ARHGAP32: variants seen among roughly 807,000 people sequenced by gnomAD.
The protein encoded by ARHGAP32 is Rho GTPase activating protein 32.
ARHGAP32 carries 51 observed loss-of-function variants against 186.5 expected under a neutral mutation model. The observed-to-expected ratio is 0.27, with a 90% CI of 0.22 to 0.35. ARHGAP32 has a LOEUF of 0.35. ARHGAP32 is among the 10% of genes least tolerant of loss of function. The probability of loss-of-function intolerance (pLI) is 1.00; values close to 1 mark genes in which losing one functional copy is unlikely to be tolerated. For synonymous variants in ARHGAP32, 950 were observed against 964.3 expected, an observed-to-expected ratio of 0.99 and a Z score of 0.27; for missense variants, 2,186 against 2,623.5, an observed-to-expected ratio of 0.83 and a Z score of 3.64.
intron 6 of ARHGAP32, among the ~76,000 whole-genome samples, chr11:129,088,890 T>G (rs1324817786): frequency 6.8e-6 from 1 of 146,612 alleles, no homozygotes; most frequent in Non-Finnish European, 1.5e-5. Context: ...AGTACGAAAT[T>G]AGCCAGGTGA....
chr11:129,167,094 C>T (rs376952656), intron 1 of ARHGAP32, among the ~76,000 whole-genome samples: 44 of 151,988 alleles, frequency 2.9e-4, no homozygotes, highest in African/African-American at 1.0e-3. Flanking sequence ...ATAAAACATA[C>T]ATATTAATCT....
At chr11:129,117,641 C>G (rs935161316) in intron 5 of ARHGAP32, among the ~76,000 whole-genome samples, 1 of 151,894 alleles carries the variant, frequency 6.6e-6, no homozygotes, top group African/African-American at 2.4e-5. Flanking sequence ...ATACAAAAAC[C>G]TGAACTCTAC....
intron 10 of ARHGAP32, among the ~76,000 whole-genome samples, chr11:129,051,497 T>C (rs534686655): frequency 6.6e-6 from 1 of 152,354 alleles, no homozygotes; most frequent in South Asian, 2.1e-4. Flanking sequence ...TTTGTTTTCT[T>C]GTAAATTTGT....
At chr11:129,027,411 A>T (rs1394009799) in intron 11 of ARHGAP32, among the ~76,000 whole-genome samples, 1 of 151,638 alleles carries the variant, frequency 6.6e-6, no homozygotes, top group Admixed American at 6.6e-5. Context: ...AAAAGCCAAA[A>T]CCCCTATGGT....
intron 1 of ARHGAP32, among the ~76,000 whole-genome samples, chr11:129,177,171 A>G (rs1054390806): frequency 2.0e-5 from 3 of 152,176 alleles, no homozygotes; most frequent in Non-Finnish European, 4.4e-5. Flanking sequence ...CTACGCAAAT[A>G]AACTAGAAAA....
chr11:128,977,330 C>A (rs753681442), intron 19 of ARHGAP32, among the ~76,000 whole-genome samples: 2 of 152,160 alleles, frequency 1.3e-5, no homozygotes, highest in African/African-American at 4.8e-5. Flanking sequence ...CCTCTTTAAC[C>A]CCTTGGCAGC....
upstream of ARHGAP32, among the ~76,000 whole-genome samples, chr11:129,193,791 A>AT (rs1190813325): frequency 7.7e-6 from 1 of 129,426 alleles, no homozygotes; most frequent in South Asian, 2.3e-4. Context: ...TTCAAAAAAA[A>AT]TTTTTTAAAC....
At chr11:129,158,960 G>A (rs1181527445) in intron 2 of ARHGAP32, among the ~76,000 whole-genome samples, 2 of 152,142 alleles carry the variant, frequency 1.3e-5, no homozygotes, top group Admixed American at 6.6e-5. Flanking sequence ...AATGACTACT[G>A]GGTAAATAAT....
chr11:129,096,780 A>C (rs946721919), intron 5 of ARHGAP32, among the ~76,000 whole-genome samples: 1 of 152,346 alleles, frequency 6.6e-6, no homozygotes, highest in East Asian at 1.9e-4. Context: ...GCAGACATAA[A>C]GGGCCAACGC....
At chr11:129,248,227 A>AG (rs1945129664) in intron 1 of ARHGAP32, among the ~76,000 whole-genome samples, 1 of 151,894 alleles carries the variant, frequency 6.6e-6, no homozygotes, top group African/African-American at 2.4e-5. Context: ...AAAAAAAAAA[A>AG]AAAGGAAAGT....
intron 11 of ARHGAP32, chr11:129,023,795 T>G (rs1210538700): frequency 1.0e-5 from 7 of 691,162 alleles, no homozygotes; most frequent in Non-Finnish European, 1.2e-5. Flanking sequence ...AAACATAGTT[T>G]CAGTGAAAAA....
intron 15 of ARHGAP32, among the ~76,000 whole-genome samples, chr11:128,983,855 T>C (rs1945785790): frequency 6.6e-6 from 1 of 152,180 alleles, no homozygotes; most frequent in Non-Finnish European, 1.5e-5. Flanking sequence ...AAAGTTAATG[T>C]AGAATTTTAG....
chr11:129,164,602 T>C (rs1278341588), intron 1 of ARHGAP32, among the ~76,000 whole-genome samples, 175 bp from the exon 2 acceptor site: 1 of 152,190 alleles, frequency 6.6e-6, no homozygotes, highest in Non-Finnish European at 1.5e-5. Context: ...AGGTCTCTCC[T>C]AATGTACCAA....
At chr11:129,258,707 A>G (rs61911059) in intron 1 of ARHGAP32, among the ~76,000 whole-genome samples, 268 of 152,322 alleles carry the variant, frequency 1.8e-3, no homozygotes, top group Middle Eastern at 3.4e-3. Context: ...AGTAGCTGAT[A>G]AATCGAGACT....
chr11:128,983,946 A>G (rs1248161574), intron 15 of ARHGAP32, among the ~76,000 whole-genome samples: 1 of 152,180 alleles, frequency 6.6e-6, no homozygotes, highest in African/African-American at 2.4e-5. Context: ...CTGGAACGTA[A>G]TTTGGATATT....
intron 11 of ARHGAP32, among the ~76,000 whole-genome samples, chr11:129,009,031 A>G (rs1373609627): frequency 6.6e-6 from 1 of 152,246 alleles, no homozygotes; most frequent in Non-Finnish European, 1.5e-5. Flanking sequence ...AATTTTGACA[A>G]GATCCGCAGA....
chr11:129,087,545 A>C (rs73017270), intron 6 of ARHGAP32, among the ~76,000 whole-genome samples: 10,745 of 152,232 alleles, frequency 0.071, 430 homozygotes, highest in Middle Eastern at 0.082. Context: ...AAAGGCAAAA[A>C]CTAGGGAGAC....
At chr11:129,100,006 A>C (rs1941847240) in intron 5 of ARHGAP32, among the ~76,000 whole-genome samples, 1 of 152,202 alleles carries the variant, frequency 6.6e-6, no homozygotes, top group African/African-American at 2.4e-5. Context: ...GGCAAGGAGC[A>C]ACCTGCACTC....
At chr11:129,121,890 C>A (rs930987668) in intron 5 of ARHGAP32, among the ~76,000 whole-genome samples, 1 of 152,004 alleles carries the variant, frequency 6.6e-6, no homozygotes, top group Non-Finnish European at 1.5e-5. Flanking sequence ...GAGAGCCAAA[C>A]GCAGCTGAAT....
Sources: allele counts gnomAD v4.1 joint callset (sites outside exome capture counted in the v4.1 genomes callset), GRCh38; gene constraint gnomAD v4.1.1; transcripts MANE v1.5; gene names NCBI Gene and HGNC (gene_info 2026-07-23, HGNC 2026-07-21).